The following SHLD1 variants were observed in gnomAD, a reference collection of about 807,000 sequenced individuals.
The protein encoded by SHLD1 is RINN1-REV7-interacting novel NHEJ regulator 3.
SHLD1 carries 3 observed loss-of-function variants against 5.5 expected under a neutral mutation model. That is an observed-to-expected ratio of 0.54 (90% CI 0.25 to 1.40). The LOEUF (loss-of-function observed/expected upper bound fraction) is 1.40, where lower values mean the gene tolerates loss of function less well. Ranked by LOEUF, SHLD1 falls within the 40% of genes most tolerant of loss-of-function variation. SHLD1 has a pLI of 0.15. For synonymous variants in SHLD1, 92 were observed against 94.3 expected (o/e 0.98, Z 0.14); for missense variants, 210 against 244.4 (o/e 0.86, Z 0.94).
Position 5,764,139 on chromosome 20 carries a change from A to AATAT in SHLD1, c.-4-8714_-4-8711dup, listed in dbSNP as rs1555768310. Among the ~76,000 whole-genome samples, 32 of 95,708 alleles carry AATAT rather than the reference A, an allele frequency of 3.3e-4. 2 individuals are homozygous for AATAT. The highest frequency in any genetic ancestry group is 1.7e-3 in the Admixed American group (13 of 7,582). 62.8% of individuals were successfully genotyped at this position (95,708 alleles called of 152,430 possible). A position where few individuals can be genotyped will look rare whatever the true frequency, so the allele number is the denominator to read the frequency against. On this transcript the variant is annotated intron_variant, in intron 1 of 2. Coordinates refer to ENST00000303142, the MANE Select transcript of SHLD1 (RefSeq NM_152504.4). Reference sequence around the variant, plus strand: ...AAGGCTCTGTCTCAAAAAAAAAAAAAATATATATATATTTATATTTATATA... The same window carrying AATAT: ...AAGGCTCTGTCTCAAAAAAAAAAAAAATATATATATATATATTTATATTTATATA...
intron 2 of SHLD1, among the ~76,000 whole-genome samples, chr20:5,783,821 A>G (rs1303638435): frequency 2.0e-5 from 3 of 151,980 alleles, no homozygotes; most frequent in African/African-American, 2.4e-5. Context: ...GCAGGCATTC[A>G]TCCAAAGAAA....
intron 2 of SHLD1, among the ~76,000 whole-genome samples, chr20:5,804,303 GTA>G (rs757922533): frequency 6.7e-6 from 1 of 148,304 alleles, no homozygotes. Flanking sequence ...ATAGGTCTTT[GTA>G]TATATATATA....
rs539604443 is a variant in SHLD1, at chr20:5,821,382, G to A, written c.179-41642G>A. Among the ~76,000 whole-genome samples, 205 of 152,212 alleles carry A rather than the reference G, an allele frequency of 1.3e-3. 2 individuals carry two copies. Among genetic ancestry groups the A allele is most frequent in the African/African-American group, 4.4e-3 (181 of 41,536 alleles). On this transcript the variant is annotated intron_variant, in intron 2 of 2. Transcript: ENST00000303142. ...ACAAAAATCAGCCGGGCGTGGTGGT[G>A]TGCACCTATAATCCCAGCTGCTCAG... is the stretch of plus-strand genomic sequence containing the variant.
At chr20:5,828,774 A>G (rs570832186) in intron 2 of SHLD1, among the ~76,000 whole-genome samples, 3 of 152,236 alleles carry the variant, frequency 2.0e-5, no homozygotes, top group African/African-American at 4.8e-5. Flanking sequence ...GAAGATGTGT[A>G]ATAGGCATTA....
intron 2 of SHLD1, among the ~76,000 whole-genome samples, chr20:5,807,586 T>C (rs925109158): frequency 6.6e-6 from 1 of 152,164 alleles, no homozygotes; most frequent in African/African-American, 2.4e-5. Context: ...TTGCCCAGGC[T>C]GGTTGCAAAC....
intron 2 of SHLD1, among the ~76,000 whole-genome samples, chr20:5,802,614 T>C (rs1388510266): frequency 2.6e-5 from 4 of 152,128 alleles, no homozygotes; most frequent in Non-Finnish European, 5.9e-5. Context: ...TCTTTTCTTT[T>C]CTTCTTTCCT....
intron 2 of SHLD1, among the ~76,000 whole-genome samples, chr20:5,820,154 G>A (rs1037734385): frequency 6.6e-6 from 1 of 151,956 alleles, no homozygotes; most frequent in African/African-American, 2.4e-5. Context: ...CACCATGTTG[G>A]TTGTCCAGGC....
intron 2 of SHLD1, among the ~76,000 whole-genome samples, chr20:5,810,006 C>T (rs931216240): frequency 6.6e-6 from 1 of 152,036 alleles, no homozygotes; most frequent in African/African-American, 2.4e-5. Flanking sequence ...CACCTGTAAT[C>T]CCAGCACTTT....
chr20:5,752,403 A>G (rs1983806093), intron 1 of SHLD1, among the ~76,000 whole-genome samples: 1 of 151,776 alleles, frequency 6.6e-6, no homozygotes, highest in Non-Finnish European at 1.5e-5. Context: ...CTCAAAAAAA[A>G]AAAAAACAAA....
intron 2 of SHLD1, among the ~76,000 whole-genome samples, chr20:5,805,446 C>T (rs1427650547): frequency 2.0e-5 from 3 of 151,952 alleles, no homozygotes; most frequent in Admixed American, 1.3e-4. Flanking sequence ...CGTGAGACCC[C>T]TAATCCTTTT....
Position 5,864,295 on chromosome 20 carries a change from C to T in SHLD1, c.*832C>T, listed in dbSNP as rs549366734. Among the ~76,000 whole-genome samples, 1 of 152,208 alleles carries T rather than the reference C, an allele frequency of 6.6e-6. No homozygotes were observed. Among genetic ancestry groups the T allele is most frequent in the Non-Finnish European group, 1.5e-5 (1 of 68,042 alleles). ...AAGGTGAGAAGGTAACAAATGTGCACCACCCACCACAGTATATGTAAGCAC... is the reference window on the plus strand; with the variant it reads ...AAGGTGAGAAGGTAACAAATGTGCATCACCCACCACAGTATATGTAAGCAC... On this transcript the variant is annotated 3_prime_UTR_variant, in exon 3 of 3. Coordinates refer to ENST00000303142, the MANE Select transcript of SHLD1 (RefSeq NM_152504.4).
intron 2 of SHLD1, among the ~76,000 whole-genome samples, chr20:5,837,397 A>C (rs1165380884): frequency 6.6e-6 from 1 of 152,082 alleles, no homozygotes; most frequent in East Asian, 1.9e-4. Context: ...TGCACACATC[A>C]TCCCATCACC....
Position 5,863,555 on chromosome 20 carries a change from C to G in SHLD1, c.*92C>G. The G allele has an allele frequency of 1.5e-6, 2 of 1,297,946 alleles. No homozygotes were observed. Among genetic ancestry groups the G allele is most frequent in the Non-Finnish European group, 2.1e-6 (2 of 940,598 alleles). The allele number at this position is 1,297,946 out of a possible 1,614,324, so 80.4% of individuals were successfully genotyped here. ...ACCCAGATCCCCTAGGGTCTCTGGC[C>G]AGCTCTGTGTGCCCAATCCCAATTA... On this transcript the variant is annotated 3_prime_UTR_variant, in exon 3 of 3. Transcript: ENST00000303142.
At chr20:5,830,974 A>G (rs2087722667) in intron 2 of SHLD1, among the ~76,000 whole-genome samples, 1 of 152,164 alleles carries the variant, frequency 6.6e-6, no homozygotes. Context: ...TGCATTAGGC[A>G]CTTTGATATA....
intron 2 of SHLD1, among the ~76,000 whole-genome samples, chr20:5,857,654 GAA>G (rs147863359): frequency 6.6e-6 from 1 of 151,182 alleles, no homozygotes; most frequent in East Asian, 2.0e-4. Flanking sequence ...ACAAAAAATA[GAA>G]AAAAGTTAGC....
intron 1 of SHLD1, among the ~76,000 whole-genome samples, chr20:5,760,826 A>C (rs895559796): frequency 6.6e-6 from 1 of 152,128 alleles, no homozygotes; most frequent in Non-Finnish European, 1.5e-5. Flanking sequence ...ACAGTTACGA[A>C]ATAAGCATTT....
At chr20:5,797,697 A>G (rs1381112633) in intron 2 of SHLD1, among the ~76,000 whole-genome samples, 1 of 152,210 alleles carries the variant, frequency 6.6e-6, no homozygotes, top group Non-Finnish European at 1.5e-5. Context: ...GTTTAGTCAA[A>G]TCATATTTGA....
chr20:5,796,037 T>C (rs372253342), intron 2 of SHLD1, among the ~76,000 whole-genome samples: 1 of 151,770 alleles, frequency 6.6e-6, no homozygotes, highest in South Asian at 2.1e-4. Flanking sequence ...TCCGGAACAG[T>C]AGATATCTAC....
chr20:5,849,823 G>T (rs2122489604), intron 2 of SHLD1, among the ~76,000 whole-genome samples: 1 of 151,016 alleles, frequency 6.6e-6, no homozygotes, highest in South Asian at 2.1e-4. Context: ...GCCGGGCGCG[G>T]TGGCGGGCGC....
Sources: gnomAD v4.1 joint callset for allele counts (sites outside exome capture counted in the v4.1 genomes callset) on GRCh38, gnomAD v4.1.1 for gene constraint, MANE v1.5 for transcripts, NCBI Gene and HGNC (gene_info 2026-07-23, HGNC 2026-07-21) for gene names.